The following KLHL13 variants were observed in gnomAD, a reference collection of about 807,000 sequenced individuals.
KLHL13 encodes the protein kelch like family member 13, also known as kelch-like protein 13.
A neutral mutation model predicts 37.1 loss-of-function variants in KLHL13; 10 were observed. The observed-to-expected ratio is 0.27, with a 90% CI of 0.17 to 0.46. The LOEUF (loss-of-function observed/expected upper bound fraction) is 0.46, where lower values mean the gene tolerates loss of function less well. Ranked by LOEUF, KLHL13 falls within the 20% of genes least tolerant of loss-of-function variation. The probability of loss-of-function intolerance (pLI) is 1.00; values close to 1 mark genes in which losing one functional copy is unlikely to be tolerated. For synonymous variants in KLHL13, 163 were observed against 181.2 expected, an observed-to-expected ratio of 0.90 and a Z score of 0.81; for missense variants, 360 against 509.3, an observed-to-expected ratio of 0.71 and a Z score of 2.82.
chrX:118,002,220 G>A (rs374649744), intron 1 of KLHL13, among the ~76,000 whole-genome samples: 354 of 111,369 alleles, frequency 3.2e-3, no homozygotes, highest in Non-Finnish European at 5.7e-3. Context: ...TTTTCCTCAC[G>A]GACTTCATGG....
At position 118,060,638 on chromosome X, in the gene KLHL13, A is replaced by T. The variant is rs769823157; in HGVS notation, c.-56+55870T>A. On this transcript the variant is annotated intron_variant, in intron 1 of 6. Coordinates refer to the KLHL13 transcript ENST00000371882. Reference sequence around the variant, plus strand: ...AGATTAAAAAAAACAGAGGCTTCTCAGAGTTTATTAATATGCTCAAGGTCA... The same window carrying T: ...AGATTAAAAAAAACAGAGGCTTCTCTGAGTTTATTAATATGCTCAAGGTCA... Among the ~76,000 whole-genome samples the T allele has an allele frequency of 1.3e-3, 150 of 111,385 alleles. 2 individuals are homozygous for T. Among genetic ancestry groups the T allele is most frequent in the African/African-American group, 4.8e-3 (146 of 30,649 alleles).
intron 2 of KLHL13, among the ~76,000 whole-genome samples, chrX:117,920,644 AGCTTTTACCTT>A (rs1378709776): frequency 8.9e-6 from 1 of 112,278 alleles, no homozygotes; most frequent in African/African-American, 3.2e-5. Flanking sequence ...CACAATTATC[AGCTTTTACCTT>A]ATTTTGAAAA....
intron 5 of KLHL13, among the ~76,000 whole-genome samples, chrX:117,905,454 G>T (rs761491367): frequency 9.0e-6 from 1 of 110,872 alleles, no homozygotes; most frequent in South Asian, 3.8e-4. Context: ...GCAGCATTTT[G>T]AAGGAATTAT....
At chrX:117,942,761 G>A (rs769917450) in intron 2 of KLHL13, among the ~76,000 whole-genome samples, 9 of 111,111 alleles carry the variant, frequency 8.1e-5, no homozygotes, top group African/African-American at 1.3e-4. Context: ...ACAGCACACC[G>A]ATGGGCCTTG....
chrX:118,033,872 C>T (rs1414756266), intron 1 of KLHL13, among the ~76,000 whole-genome samples: 1 of 104,518 alleles, frequency 9.6e-6, no homozygotes, highest in South Asian at 4.6e-4. Context: ...CACACATAGG[C>T]TCAAAATAAA....
chrX:118,081,976 G>A (rs1602708135), intron 1 of KLHL13, among the ~76,000 whole-genome samples: 1 of 105,249 alleles, frequency 9.5e-6, no homozygotes, highest in Non-Finnish European at 2.0e-5. Flanking sequence ...GTGTGTGTGT[G>A]TATACATATA....
chrX:118,048,287 T>C (rs2054579739), intron 1 of KLHL13, among the ~76,000 whole-genome samples: 2 of 111,244 alleles, frequency 1.8e-5, no homozygotes, highest in Admixed American at 1.9e-4. Flanking sequence ...ACTGAAGAAG[T>C]AAACAAGTAC....
At chrX:118,090,428 G>GA (rs2055117765) in intron 1 of KLHL13, among the ~76,000 whole-genome samples, 1 of 111,336 alleles carries the variant, frequency 9.0e-6, no homozygotes. Flanking sequence ...TAATTTCCAA[G>GA]AAAAAACAAA....
chrX:118,037,929 T>C (rs1463832983), intron 1 of KLHL13, among the ~76,000 whole-genome samples: 2 of 110,973 alleles, frequency 1.8e-5, no homozygotes, highest in Non-Finnish European at 3.8e-5. Flanking sequence ...AGATCATGAA[T>C]AGGTATTACA....
intron 1 of KLHL13, among the ~76,000 whole-genome samples, chrX:118,093,024 A>G (rs1160990079): frequency 8.9e-6 from 1 of 111,822 alleles, no homozygotes; most frequent in Non-Finnish European, 1.9e-5. Context: ...GTTAAAGGCA[A>G]AGTCATTCAT....
intron 5 of KLHL13, among the ~76,000 whole-genome samples, chrX:117,902,683 A>G (rs1295835601): frequency 9.0e-6 from 1 of 111,689 alleles, no homozygotes; most frequent in Non-Finnish European, 1.9e-5. Context: ...TCAGTCTGTT[A>G]TAACCTCAAG....
At chrX:118,075,074 T>C (rs1471270020) in intron 1 of KLHL13, among the ~76,000 whole-genome samples, 2 of 111,817 alleles carry the variant, frequency 1.8e-5, no homozygotes, top group Non-Finnish European at 3.8e-5. Context: ...CTTGTGTCTG[T>C]AAAGCTTCTG....
chrX:117,973,486 T>C (rs1271082765), exon 1 of KLHL13: 8 of 924,751 alleles, frequency 8.7e-6, no homozygotes, highest in Non-Finnish European at 1.1e-5. Flanking sequence ...AATGCCATTA[T>C]GGGAAAAGCC....
At chrX:118,087,953 T>C (rs1315029390) in intron 1 of KLHL13, among the ~76,000 whole-genome samples, 3 of 112,275 alleles carry the variant, frequency 2.7e-5, no homozygotes, top group Non-Finnish European at 5.6e-5. Context: ...GGCTGATATA[T>C]AGAGAGCTGT....
chrX:118,012,624 T>A (rs188315967), intron 1 of KLHL13, among the ~76,000 whole-genome samples: 1 of 92,631 alleles, frequency 1.1e-5, no homozygotes, highest in Non-Finnish European at 2.0e-5. Flanking sequence ...CACTTTGCCA[T>A]GAACAGTGTC....
chrX:117,968,767 C>T (rs1485519421), intron 1 of KLHL13, among the ~76,000 whole-genome samples: 1 of 111,291 alleles, frequency 9.0e-6, no homozygotes, highest in Non-Finnish European at 1.9e-5. Flanking sequence ...TCTGTAACCA[C>T]AAAGTTTTCT....
At chrX:117,919,916 T>A (rs1229649260) in intron 3 of KLHL13, among the ~76,000 whole-genome samples, 199 bp from the exon 5 acceptor site, 2 of 108,723 alleles carry the variant, frequency 1.8e-5, no homozygotes, top group African/African-American at 6.7e-5. Context: ...AGGTCATATA[T>A]GATGCAAGTG....
At chrX:118,011,497 G>A (rs770496093) in intron 1 of KLHL13, among the ~76,000 whole-genome samples, 70 of 110,577 alleles carry the variant, frequency 6.3e-4, no homozygotes, top group Middle Eastern at 4.7e-3. Context: ...AAACAGATTA[G>A]AAGGATATTT....
intron 1 of KLHL13, among the ~76,000 whole-genome samples, chrX:118,110,447 T>TGGCTC (rs1270251513): frequency 9.6e-6 from 1 of 103,888 alleles, no homozygotes; most frequent in Non-Finnish European, 2.0e-5. Context: ...GGCACGATCT[T>TGGCTC]GGCTCACTGA....
Sources: gnomAD v4.1 joint callset for allele counts (sites outside exome capture counted in the v4.1 genomes callset) on GRCh38, gnomAD v4.1.1 for gene constraint, MANE v1.5 for transcripts, NCBI Gene and HGNC (gene_info 2026-07-23, HGNC 2026-07-21) for gene names.